The following STK3 variants were observed in gnomAD, a reference collection of about 807,000 sequenced individuals.
The protein encoded by STK3 is serine/threonine kinase 3.
STK3 carries 41 observed loss-of-function variants against 58.0 expected under a neutral mutation model. The observed-to-expected ratio is 0.71, with a 90% CI of 0.55 to 0.92. STK3 has a LOEUF of 0.92. Ranked by LOEUF, STK3 falls within the 40% of genes least tolerant of loss-of-function variation. STK3 has a pLI of 0.00. For missense variants in STK3, 479 were observed against 602.7 expected, an observed-to-expected ratio of 0.79 and a Z score of 2.15; for synonymous variants, 170 against 191.0, an observed-to-expected ratio of 0.89 and a Z score of 0.91.
At chr8:98,575,347 T>TG (rs910950334) in intron 8 of STK3, among the ~76,000 whole-genome samples, 4 of 151,622 alleles carry the variant, frequency 2.6e-5, no homozygotes, top group African/African-American at 9.7e-5. Context: ...GACTTGTTTT[T>TG]TTTTTTTTAA....
chr8:98,505,645 A>C (rs2131380491), intron 10 of STK3, among the ~76,000 whole-genome samples: 1 of 152,306 alleles, frequency 6.6e-6, no homozygotes, highest in African/African-American at 2.4e-5. Context: ...TCTAAGAATC[A>C]GGTCCCTCAG....
intron 1 of STK3, among the ~76,000 whole-genome samples, chr8:98,797,753 T>A (rs777261463): frequency 2.0e-5 from 3 of 152,186 alleles, no homozygotes; most frequent in African/African-American, 4.8e-5. Flanking sequence ...GCTGGCAATC[T>A]TAGAGTTTGT....
At chr8:98,801,460 C>G (rs1833542223) in intron 1 of STK3, among the ~76,000 whole-genome samples, 1 of 152,134 alleles carries the variant, frequency 6.6e-6, no homozygotes, top group South Asian at 2.1e-4. Context: ...GTCTGCACTG[C>G]CTTTATGAGC....
At chr8:98,906,954 C>G (rs1302591563) in intron 1 of STK3, among the ~76,000 whole-genome samples, 1 of 149,098 alleles carries the variant, frequency 6.7e-6, no homozygotes, top group Non-Finnish European at 1.5e-5. Context: ...TCGAGACCAG[C>G]CTGAGCAACA....
intron 9 of STK3, among the ~76,000 whole-genome samples, chr8:98,539,459 C>T (rs1810048935): frequency 6.6e-6 from 1 of 151,994 alleles, no homozygotes; most frequent in Admixed American, 6.6e-5. Flanking sequence ...GGTATCTCTC[C>T]TCAACTGACA....
chr8:98,532,939 AT>A (rs1383396262), intron 9 of STK3, among the ~76,000 whole-genome samples: 1 of 151,882 alleles, frequency 6.6e-6, no homozygotes, highest in Admixed American at 6.6e-5. Flanking sequence ...TTAAAGTGGT[AT>A]TTTTTTGTTT....
At chr8:98,782,813 GTTAT>G (rs1832184851) in intron 1 of STK3, among the ~76,000 whole-genome samples, 1 of 151,652 alleles carries the variant, frequency 6.6e-6, no homozygotes, top group Non-Finnish European at 1.5e-5. Flanking sequence ...AGGAAAAAGT[GTTAT>G]TTAAATAAAG....
chr8:98,881,977 A>G (rs957348442), downstream of STK3: 8 of 152,118 alleles, frequency 5.3e-5, no homozygotes, highest in Admixed American at 2.0e-4. Context: ...ATGGAGCAAG[A>G]CCCTGTTTCT....
Position 98,876,654 on chromosome 8 carries a change from G to A in STK3, c.110+6993C>T, listed in dbSNP as rs546897916. Among the ~76,000 whole-genome samples the A allele has an allele frequency of 8.5e-5, 13 of 152,292 alleles. No individual in the cohort carries two copies. The South Asian group carries it at 2.5e-3, about 29-fold the overall frequency. The stretch of plus-strand genomic sequence containing the variant: ...CCAGGTCTAGAGGAAAGTCTCTTGA[G>A]GCCAGGATATTATAGATGACTTCTA... On this transcript the variant is annotated intron_variant, in intron 3 of 12. Coordinates refer to the STK3 transcript ENST00000523601.
intron 3 of STK3, among the ~76,000 whole-genome samples, chr8:98,874,887 C>G (rs756916539): frequency 6.6e-6 from 1 of 151,842 alleles, no homozygotes; most frequent in African/African-American, 2.4e-5. Context: ...GCCTCCCAAA[C>G]AGCTGGGATT....
At chr8:98,435,689 G>C (rs1309464788) in intron 2 of STK3, among the ~76,000 whole-genome samples, 2 of 152,142 alleles carry the variant, frequency 1.3e-5, no homozygotes, top group African/African-American at 4.8e-5. Context: ...GGCTGGGTTG[G>C]TGGCTGGATG....
intron 2 of STK3, among the ~76,000 whole-genome samples, chr8:98,375,663 C>T (rs921919995): frequency 2.6e-5 from 4 of 151,930 alleles, no homozygotes; most frequent in East Asian, 1.9e-4. Context: ...TACTATGTAC[C>T]CTTTTGCAAC....
downstream of STK3, among the ~76,000 whole-genome samples, chr8:98,369,744 T>A (rs1817593409): frequency 6.6e-6 from 1 of 152,156 alleles, no homozygotes; most frequent in Non-Finnish European, 1.5e-5. Context: ...AGACGGGAAG[T>A]ACCCCCACCC....
chr8:98,574,914 T>A (rs754412632), intron 8 of STK3, among the ~76,000 whole-genome samples: 15 of 152,178 alleles, frequency 9.9e-5, no homozygotes, highest in Non-Finnish European at 1.8e-4. Flanking sequence ...AAAACTGCTA[T>A]GGAATAGTGA....
At chr8:98,741,487 G>C (rs1829203542) in intron 4 of STK3, among the ~76,000 whole-genome samples, 1 of 152,148 alleles carries the variant, frequency 6.6e-6, no homozygotes, top group African/African-American at 2.4e-5. Flanking sequence ...ACCTGCTCCT[G>C]AATGACTACT....
intron 10 of STK3, among the ~76,000 whole-genome samples, chr8:98,494,462 T>A (rs995501944): frequency 2.0e-5 from 3 of 152,034 alleles, no homozygotes; most frequent in African/African-American, 7.2e-5. Flanking sequence ...TGCATGGGCA[T>A]CTTAACTTCT....
At chr8:98,882,411 C>T (rs956889865), downstream of STK3, 1 of 114,618 alleles carries the variant, frequency 8.7e-6, no homozygotes, top group Non-Finnish European at 1.7e-5. Context: ...ATACCAATAT[C>T]CTTTTTTTTT....
At chr8:98,865,676 C>T (rs1837110899) in intron 3 of STK3, among the ~76,000 whole-genome samples, 1 of 152,336 alleles carries the variant, frequency 6.6e-6, no homozygotes, top group East Asian at 1.9e-4. Context: ...AAGCACAGGT[C>T]ATTTCTCAGG....
At chr8:98,627,029 C>G (rs1253684587) in intron 6 of STK3, among the ~76,000 whole-genome samples, 6 of 152,170 alleles carry the variant, frequency 3.9e-5, no homozygotes, top group Non-Finnish European at 4.4e-5. Flanking sequence ...CACTTCATAC[C>G]TGGAAAAACA....
Sources: gnomAD v4.1 joint callset for allele counts (sites outside exome capture counted in the v4.1 genomes callset) on GRCh38, gnomAD v4.1.1 for gene constraint, MANE v1.5 for transcripts, NCBI Gene and HGNC (gene_info 2026-07-23, HGNC 2026-07-21) for gene names.